Variants in NUCKS1 observed in about 807,000 individuals in gnomAD.
The protein encoded by NUCKS1 is nuclear ubiquitous casein and cyclin-dependent kinase substrate 1.
A neutral mutation model predicts 33.0 loss-of-function variants in NUCKS1; 2 were observed. The observed-to-expected ratio is 0.06, with a 90% CI of 0.02 to 0.19. The LOEUF (loss-of-function observed/expected upper bound fraction) is 0.19, where lower values mean the gene tolerates loss of function less well. NUCKS1 is among the 10% of genes least tolerant of loss of function. NUCKS1 has a pLI of 1.00. For synonymous variants in NUCKS1, 106 were observed against 102.8 expected, an observed-to-expected ratio of 1.03 and a Z score of -0.19; for missense variants, 201 against 293.6, an observed-to-expected ratio of 0.68 and a Z score of 2.31.
rs1404710321 is a variant in NUCKS1, at chr1:205,713,809, T to C, written c.*4471A>G. On this transcript the variant is annotated 3_prime_UTR_variant, in exon 7 of 7. Coordinates refer to ENST00000367142, the MANE Select transcript of NUCKS1 (RefSeq NM_022731.5). Reference sequence around the variant, plus strand: ...GCCCCGGTCTCAGCCCATGGACTAGTTAATACAGTGAAGCAGGTTCCTGTC... The same window carrying C: ...GCCCCGGTCTCAGCCCATGGACTAGCTAATACAGTGAAGCAGGTTCCTGTC... The C allele has an allele frequency of 6.6e-6, 1 of 152,158 alleles. No homozygotes were observed. The highest frequency in any genetic ancestry group is 2.4e-5 in the African/African-American group (1 of 41,424). The allele number at this position is 152,158 out of a possible 1,614,324, so 9.4% of individuals were successfully genotyped here.
intron 3 of NUCKS1, 54 bp downstream of exon 3, chr1:205,727,646 C>T (rs937937480): frequency 2.6e-5 from 30 of 1,169,408 alleles, no homozygotes; most frequent in Admixed American, 1.5e-4. Flanking sequence ...AGAGACTGCT[C>T]TCATCTCAGA....
In NUCKS1 at chr1:205,748,642, G is replaced by A. The variant is rs1037077776; in HGVS notation, c.17+1315C>T. Among the ~76,000 whole-genome samples, 5 of 152,326 alleles carry A rather than the reference G, an allele frequency of 3.3e-5. No homozygotes were observed. The East Asian group carries it at 9.6e-4, about 29-fold the overall frequency. On this transcript the variant is annotated intron_variant, in intron 1 of 6. Coordinates refer to ENST00000367142, the MANE Select transcript of NUCKS1 (RefSeq NM_022731.5). ...CCCACCCCGTGTGTAGGAGTACGCA[G>A]TCTCATACCACCACCAGTTGGAGGA...
At chr1:205,724,746 T>G (rs1653686360) in intron 3 of NUCKS1, among the ~76,000 whole-genome samples, 1 of 152,036 alleles carries the variant, frequency 6.6e-6, no homozygotes, top group Non-Finnish European at 1.5e-5. Flanking sequence ...TAACTTATAA[T>G]ATGCCTAAAA....
chr1:205,732,498 A>G (rs1001030926), intron 1 of NUCKS1, among the ~76,000 whole-genome samples: 6 of 152,180 alleles, frequency 3.9e-5, no homozygotes, highest in African/African-American at 1.4e-4. Flanking sequence ...AATGGTTAAC[A>G]TGGGCCGGGC....
chr1:205,747,445 T>A (rs1193009951), intron 1 of NUCKS1, among the ~76,000 whole-genome samples: 1 of 152,230 alleles, frequency 6.6e-6, no homozygotes, highest in African/African-American at 2.4e-5. Flanking sequence ...CATAACGTGC[T>A]AGACACAGGT....
At chr1:205,732,247 ATATTACCAAAGATACTATAT>A (rs1653933143) in intron 1 of NUCKS1, among the ~76,000 whole-genome samples, 1 of 152,240 alleles carries the variant, frequency 6.6e-6, no homozygotes, top group Admixed American at 6.5e-5. Context: ...AGCTGAGTTT[ATATTACCAAAGATACTATAT>A]TATTAGGAAA....
At chr1:205,726,558 TAGA>T (rs1273391606) in intron 3 of NUCKS1, among the ~76,000 whole-genome samples, 2 of 152,218 alleles carry the variant, frequency 1.3e-5, no homozygotes, top group South Asian at 2.1e-4. Flanking sequence ...CCAAGATTCT[TAGA>T]AGAAGCAGTG....
At position 205,744,701 on chromosome 1, in the gene NUCKS1, C is replaced by T. The variant is rs142202042; in HGVS notation, c.17+5256G>A. On this transcript the variant is annotated intron_variant, in intron 1 of 6. Coordinates refer to ENST00000367142, the MANE Select transcript of NUCKS1 (RefSeq NM_022731.5). Reference sequence around the variant, plus strand: ...AGGCTCCAGTGCAATGGCGTGGTCTCGGCTCACTGCAACCTCCGCCTCCTG... The same window carrying T: ...AGGCTCCAGTGCAATGGCGTGGTCTTGGCTCACTGCAACCTCCGCCTCCTG... Among the ~76,000 whole-genome samples the T allele has an allele frequency of 1.5e-3, 193 of 126,002 alleles. 1 individual carries two copies. The East Asian group carries it at 0.043, about 28-fold the overall frequency. 82.7% of individuals were successfully genotyped at this position (126,002 alleles called of 152,430 possible). A position where few individuals can be genotyped will look rare whatever the true frequency, so the allele number is the denominator to read the frequency against.
chr1:205,718,010 G>A lies in NUCKS1; in HGVS notation c.*270C>T. 2.8e-6 allele frequency: 3 copies of A among 1,086,010 alleles called. No individual in the cohort carries two copies. The highest frequency in any genetic ancestry group is 2.2e-6 in the Non-Finnish European group (2 of 897,774). The allele number at this position is 1,086,010 out of a possible 1,614,324, so 67.3% of individuals were successfully genotyped here. ...GATTAATTTGACATGGCTTTCATTGGGAAAGGGGAGGGCTGGCAAAGAGAC... is the reference window on the plus strand; with the variant it reads ...GATTAATTTGACATGGCTTTCATTGAGAAAGGGGAGGGCTGGCAAAGAGAC... On this transcript the variant is annotated 3_prime_UTR_variant, in exon 7 of 7. Transcript: ENST00000367142.
intron 3 of NUCKS1, among the ~76,000 whole-genome samples, chr1:205,724,895 A>T (rs1653698822): frequency 6.6e-6 from 1 of 152,170 alleles, no homozygotes; most frequent in Non-Finnish European, 1.5e-5. Flanking sequence ...TGAGCTCAAA[A>T]TCACTCCACA....
chr1:205,725,531 G>A (rs1286786305), intron 3 of NUCKS1, among the ~76,000 whole-genome samples: 1 of 152,086 alleles, frequency 6.6e-6, no homozygotes, highest in Non-Finnish European at 1.5e-5. Context: ...TGCAAAATAA[G>A]CACCAAATTC....
chr1:205,720,771 C>T lies in NUCKS1; in HGVS notation c.230-118G>A, dbSNP rs989712165. The stretch of plus-strand genomic sequence containing the variant: ...TGACTGAAAAGGCCAACACAGTGGC[C>T]AATATAGGATATAATCTGCAGCTTT... On this transcript the variant is annotated intron_variant, in intron 4 of 6. Coordinates refer to ENST00000367142, the MANE Select transcript of NUCKS1 (RefSeq NM_022731.5). 15 of 951,020 alleles carry T rather than the reference C, an allele frequency of 1.6e-5. No homozygotes were observed. In the African/African-American group the frequency reaches 2.3e-4, roughly 15 times the overall value. The allele number at this position is 951,020 out of a possible 1,614,324, so 58.9% of individuals were successfully genotyped here. A position where few individuals can be genotyped will look rare whatever the true frequency, so the allele number is the denominator to read the frequency against.
chr1:205,718,163 G>T lies in NUCKS1; in HGVS notation c.*117C>A. 11 of 1,382,704 alleles carry T rather than the reference G, an allele frequency of 8.0e-6. No homozygotes were observed. Among genetic ancestry groups the T allele is most frequent in the Non-Finnish European group, 1.0e-5 (11 of 1,074,672 alleles). 85.7% of individuals were successfully genotyped at this position (1,382,704 alleles called of 1,614,324 possible). A position where few individuals can be genotyped will look rare whatever the true frequency, so the allele number is the denominator to read the frequency against. Reference sequence around the variant, plus strand: ...GGAAAAAAGCACTGAAAGCCCATGAGTCAAGCCATAGCCAAAACCATGTTC... The same window carrying T: ...GGAAAAAAGCACTGAAAGCCCATGATTCAAGCCATAGCCAAAACCATGTTC... On this transcript the variant is annotated 3_prime_UTR_variant, in exon 7 of 7. Coordinates refer to ENST00000367142, the MANE Select transcript of NUCKS1 (RefSeq NM_022731.5).
At chr1:205,749,809 C>G (rs1377420462) in intron 1 of NUCKS1, 148 bp downstream of exon 1, 1 of 752,510 alleles carries the variant, frequency 1.3e-6, no homozygotes, top group Non-Finnish European at 2.0e-6. Flanking sequence ...CAGGGCCCCC[C>G]ACGCTCAAGG....
chr1:205,736,370 G>T (rs908974056), intron 1 of NUCKS1, among the ~76,000 whole-genome samples: 2 of 152,144 alleles, frequency 1.3e-5, no homozygotes, highest in Admixed American at 1.3e-4. Context: ...TGATGGTCGT[G>T]GGGGTGGGAG....
chr1:205,736,349 C>T (rs951906718), intron 1 of NUCKS1, among the ~76,000 whole-genome samples: 6 of 152,106 alleles, frequency 3.9e-5, no homozygotes, highest in African/African-American at 1.4e-4. Flanking sequence ...TTCATAAAAC[C>T]TATCAAAGTC....
At chr1:205,740,565 A>G (rs889611150) in intron 1 of NUCKS1, among the ~76,000 whole-genome samples, 1 of 152,000 alleles carries the variant, frequency 6.6e-6, no homozygotes, top group Non-Finnish European at 1.5e-5. Flanking sequence ...CAATGAGATC[A>G]GGCCACTGCA....
At chr1:205,742,960 G>A (rs964986188) in intron 1 of NUCKS1, among the ~76,000 whole-genome samples, 2 of 152,088 alleles carry the variant, frequency 1.3e-5, no homozygotes, top group African/African-American at 2.4e-5. Context: ...AGAGTAATAC[G>A]GTCACATTCC....
intron 4 of NUCKS1, 56 bp from the exon 5 acceptor site, chr1:205,720,709 A>T: frequency 1.3e-6 from 2 of 1,498,180 alleles, no homozygotes; most frequent in Non-Finnish European, 1.8e-6. Flanking sequence ...ATTTGACAAG[A>T]TAGTGCAAAA....
Sources: allele counts gnomAD v4.1 joint callset (sites outside exome capture counted in the v4.1 genomes callset), GRCh38; gene constraint gnomAD v4.1.1; transcripts MANE v1.5; gene names NCBI Gene and HGNC (gene_info 2026-07-23, HGNC 2026-07-21).